The following CTNNA2 variants were observed in gnomAD, a reference collection of about 807,000 sequenced individuals.
CTNNA2 encodes the protein catenin alpha-2.
CTNNA2 carries 42 observed loss-of-function variants against 101.0 expected under a neutral mutation model. That is an observed-to-expected ratio of 0.42 (90% CI 0.32 to 0.54). The LOEUF (loss-of-function observed/expected upper bound fraction) is 0.54. Ranked by LOEUF, CTNNA2 falls within the 20% of genes least tolerant of loss-of-function variation. The probability of loss-of-function intolerance (pLI) is 0.14; values close to 1 mark genes in which losing one functional copy is unlikely to be tolerated. For missense variants in CTNNA2, 871 were observed against 1,223.1 expected, an observed-to-expected ratio of 0.71 and a Z score of 4.29; for synonymous variants, 450 against 456.4, an observed-to-expected ratio of 0.99 and a Z score of 0.18.
At chr2:79,455,411 G>A (rs549251079) in intron 4 of CTNNA2, among the ~76,000 whole-genome samples, 26 of 152,210 alleles carry the variant, frequency 1.7e-4, no homozygotes, top group Admixed American at 1.2e-3. Context: ...GGGTTGCCAT[G>A]GGCTGGCTGC....
chr2:80,482,677 T>C (rs535453240), intron 9 of CTNNA2, among the ~76,000 whole-genome samples: 2 of 152,192 alleles, frequency 1.3e-5, no homozygotes, highest in Non-Finnish European at 1.5e-5. Flanking sequence ...GTGTATTATT[T>C]TTTGATTCCA....
intron 1 of CTNNA2, among the ~76,000 whole-genome samples, chr2:79,538,277 AC>A (rs999499186): frequency 1.3e-5 from 2 of 152,074 alleles, no homozygotes; most frequent in Non-Finnish European, 2.9e-5. Flanking sequence ...ACTTTTAACC[AC>A]AATATATCAG....
chr2:80,107,062 GC>G (rs1347114912), intron 7 of CTNNA2, among the ~76,000 whole-genome samples: 3 of 152,012 alleles, frequency 2.0e-5, no homozygotes, highest in Non-Finnish European at 4.4e-5. Flanking sequence ...TCCCAACAGT[GC>G]CCTGTTGATA....
intron 7 of CTNNA2, among the ~76,000 whole-genome samples, chr2:80,180,882 G>A (rs933882543): frequency 6.6e-6 from 1 of 152,102 alleles, no homozygotes. Context: ...GCAAATAAAC[G>A]ATTAGACCAT....
At chr2:80,271,082 C>A (rs1673429137) in intron 7 of CTNNA2, among the ~76,000 whole-genome samples, 1 of 152,180 alleles carries the variant, frequency 6.6e-6, no homozygotes, top group African/African-American at 2.4e-5. Context: ...GCCCCTCTAG[C>A]AGATGTGGAC....
In CTNNA2 at chr2:80,242,386, C is replaced by T. The variant is rs563050866; in HGVS notation, c.1057-150825C>T. ...ATTTTCAAATTTTAATCTATGACAA[C>T]CCACACAGCACTCAGGGCTTAAATA... is the stretch of plus-strand genomic sequence containing the variant. On this transcript the variant is annotated intron_variant, in intron 7 of 18. Transcript: ENST00000402739. Among the ~76,000 whole-genome samples the T allele has an allele frequency of 2.0e-4, 31 of 152,302 alleles. No individual in the cohort carries two copies. The South Asian group carries it at 3.5e-3, about 17-fold the overall frequency.
intron 9 of CTNNA2, among the ~76,000 whole-genome samples, chr2:80,473,097 A>G (rs1011389705): frequency 6.6e-6 from 1 of 152,188 alleles, no homozygotes; most frequent in Non-Finnish European, 1.5e-5. Flanking sequence ...GAACAACTAA[A>G]GGTAAGAAGC....
At chr2:79,196,855 T>C (rs1052845528) in intron 1 of CTNNA2, among the ~76,000 whole-genome samples, 11 of 152,236 alleles carry the variant, frequency 7.2e-5, no homozygotes, top group African/African-American at 2.7e-4. Context: ...TGTTTTGTTT[T>C]GCAGGATTAT....
At chr2:79,458,804 C>T (rs572663474) in intron 4 of CTNNA2, among the ~76,000 whole-genome samples, 2 of 152,230 alleles carry the variant, frequency 1.3e-5, no homozygotes, top group South Asian at 4.1e-4. Flanking sequence ...TCCTGCTGAA[C>T]CAATTTCTTT....
At chr2:80,321,001 A>G (rs1166438056) in intron 7 of CTNNA2, among the ~76,000 whole-genome samples, 2 of 152,224 alleles carry the variant, frequency 1.3e-5, no homozygotes, top group Non-Finnish European at 2.9e-5. Flanking sequence ...TCAGTCCACC[A>G]TAGTGTGCCA....
intron 2 of CTNNA2, among the ~76,000 whole-genome samples, chr2:79,297,894 A>G (rs1405841034): frequency 6.6e-6 from 1 of 152,316 alleles, no homozygotes; most frequent in East Asian, 1.9e-4. Context: ...AAATAACTGC[A>G]AATAGTTACT....
chr2:80,480,066 A>G (rs1333598255), intron 9 of CTNNA2, among the ~76,000 whole-genome samples: 1 of 152,184 alleles, frequency 6.6e-6, no homozygotes, highest in African/African-American at 2.4e-5. Context: ...AATTTTCTAG[A>G]CCAGCAGTTT....
At chr2:79,701,997 C>CAAAAAA (rs58716617) in intron 2 of CTNNA2, among the ~76,000 whole-genome samples, 2 of 75,440 alleles carry the variant, frequency 2.7e-5, no homozygotes, top group South Asian at 5.0e-4. Context: ...GACTCTGTCT[C>CAAAAAA]AAAAAAAAAA....
At chr2:80,111,101 C>G (rs1701184296) in intron 7 of CTNNA2, among the ~76,000 whole-genome samples, 1 of 152,038 alleles carries the variant, frequency 6.6e-6, no homozygotes, top group Non-Finnish European at 1.5e-5. Context: ...CACTCATTAT[C>G]ACAAAAACAG....
At chr2:80,463,176 A>G (rs1190901897) in intron 9 of CTNNA2, among the ~76,000 whole-genome samples, 1 of 152,090 alleles carries the variant, frequency 6.6e-6, no homozygotes. Context: ...CCCCTGCTCC[A>G]TTTATCATCT....
chr2:79,731,986 TA>T (rs968215256), intron 2 of CTNNA2, among the ~76,000 whole-genome samples: 7 of 151,750 alleles, frequency 4.6e-5, no homozygotes, highest in African/African-American at 9.7e-5. Flanking sequence ...CAAGTAACAT[TA>T]AAAAAAATTT....
intron 7 of CTNNA2, among the ~76,000 whole-genome samples, chr2:80,134,609 G>C (rs1415209059): frequency 6.6e-6 from 1 of 152,140 alleles, no homozygotes; most frequent in Non-Finnish European, 1.5e-5. Flanking sequence ...TGATGACTGG[G>C]TGCCTGCGCC....
intron 3 of CTNNA2, among the ~76,000 whole-genome samples, chr2:79,802,259 G>C (rs1197723550): frequency 1.3e-5 from 2 of 152,074 alleles, no homozygotes; most frequent in African/African-American, 4.8e-5. Context: ...AAAGCTTCTA[G>C]GTATAAAGGG....
chr2:79,267,920 C>G (rs1675007999), intron 2 of CTNNA2, among the ~76,000 whole-genome samples: 2 of 152,102 alleles, frequency 1.3e-5, no homozygotes, highest in Admixed American at 6.5e-5. Flanking sequence ...ACTTCCTTGA[C>G]AGAATATAGT....
Sources: allele counts gnomAD v4.1 joint callset (sites outside exome capture counted in the v4.1 genomes callset), GRCh38; gene constraint gnomAD v4.1.1; transcripts MANE v1.5; gene names NCBI Gene and HGNC (gene_info 2026-07-23, HGNC 2026-07-21).